The following ETV6 variants were observed in gnomAD, a reference collection of about 807,000 sequenced individuals.
ETV6 encodes ETS variant transcription factor 6.
A neutral mutation model predicts 51.1 loss-of-function variants in ETV6; 16 were observed. The ratio of observed to expected loss-of-function variants is 0.31; its 90% confidence interval spans 0.21 to 0.48. The LOEUF (loss-of-function observed/expected upper bound fraction) is 0.48, where lower values mean the gene tolerates loss of function less well. Among genes scored for constraint, ETV6 ranks in the 20% least tolerant of loss-of-function variants. ETV6 has a pLI of 0.99. For synonymous variants in ETV6, 240 were observed against 224.1 expected (o/e 1.07, Z -0.64); for missense variants, 458 against 594.8 (o/e 0.77, Z 2.39).
intron 1 of ETV6, among the ~76,000 whole-genome samples, chr12:11,707,860 T>C (rs1386179169): frequency 6.6e-6 from 1 of 152,218 alleles, no homozygotes; most frequent in Non-Finnish European, 1.5e-5. Flanking sequence ...ATTTACCTGT[T>C]AACTGAGAAA....
chr12:11,700,945 G>C (rs368402764), intron 1 of ETV6, among the ~76,000 whole-genome samples: 2 of 152,118 alleles, frequency 1.3e-5, no homozygotes, highest in African/African-American at 4.8e-5. Flanking sequence ...TGGAAGACAG[G>C]GCTTCCAGGC....
chr12:11,706,363 C>G (rs563742000), intron 1 of ETV6, among the ~76,000 whole-genome samples: 18 of 152,314 alleles, frequency 1.2e-4, no homozygotes, highest in Middle Eastern at 6.8e-3. Flanking sequence ...AGAGCAGGGA[C>G]TAGACTCCAT....
At chr12:11,712,945 C>G (rs576273870) in intron 1 of ETV6, among the ~76,000 whole-genome samples, 1 of 152,184 alleles carries the variant, frequency 6.6e-6, no homozygotes, top group Non-Finnish European at 1.5e-5. Flanking sequence ...GTTTCTGCCT[C>G]GTTTACTTTC....
intron 1 of ETV6, among the ~76,000 whole-genome samples, chr12:11,731,554 C>T (rs2856341): frequency 0.9 from 135,595 of 151,304 alleles, 62,148 homozygotes; most frequent in Non-Finnish European, 0.99. Flanking sequence ...AATTTTTTTT[C>T]TTCTGTCTTA....
chr12:11,863,670 C>T (rs1946748475), intron 4 of ETV6, among the ~76,000 whole-genome samples: 29 of 152,214 alleles, frequency 1.9e-4, no homozygotes, highest in Admixed American at 1.9e-3. Flanking sequence ...CAGAAGACTC[C>T]TACATCTGGG....
chr12:11,728,303 C>T (rs1440369169), intron 1 of ETV6, among the ~76,000 whole-genome samples: 2 of 152,180 alleles, frequency 1.3e-5, no homozygotes. Context: ...TACCAGGGGT[C>T]CCCAACCCCC....
chr12:11,780,404 A>G (rs1383329533), intron 2 of ETV6, among the ~76,000 whole-genome samples: 5 of 152,216 alleles, frequency 3.3e-5, no homozygotes, highest in African/African-American at 1.2e-4. Context: ...CTTTAGAAGT[A>G]TACCAGTTCT....
rs1565503452 is a variant in ETV6, at chr12:11,733,427, A to AT, written c.34-19023_34-19022insT. On this transcript the variant is annotated intron_variant, in intron 1 of 7. Transcript: ENST00000396373. ...CATCTCAAAAAAAAAAAAAAAAAAA[A>AT]AAAAATTAACCACTTCATTCTTCTT... 6.5e-5 allele frequency among the ~76,000 whole-genome samples: 9 copies of AT among 138,502 alleles called. No individual in the cohort carries two copies. The East Asian group carries it at 1.8e-3, about 27-fold the overall frequency. 90.9% of individuals were successfully genotyped at this position (138,502 alleles called of 152,430 possible).
chr12:11,650,050 T>G lies in ETV6; in HGVS notation c.-78T>G. ...TTAAATGACCGCGTCTGGCTGGCCG[T>G]GGAGCCTTTCTGGGTTGGGGAGAGG... On this transcript the variant is annotated 5_prime_UTR_variant, in exon 1 of 8. Coordinates refer to ENST00000396373, the MANE Select transcript of ETV6 (RefSeq NM_001987.5). 7 of 1,324,682 alleles carry G rather than the reference T, an allele frequency of 5.3e-6. No homozygotes were observed. Among genetic ancestry groups the G allele is most frequent in the Non-Finnish European group, 7.6e-6 (7 of 917,790 alleles). The allele number at this position is 1,324,682 out of a possible 1,614,324, so 82.1% of individuals were successfully genotyped here. A position where few individuals can be genotyped will look rare whatever the true frequency, so the allele number is the denominator to read the frequency against.
chr12:11,824,458 A>C (rs776783684), intron 2 of ETV6, among the ~76,000 whole-genome samples: 2 of 152,200 alleles, frequency 1.3e-5, no homozygotes, highest in Non-Finnish European at 2.9e-5. Flanking sequence ...GCTGTGGAGA[A>C]GCTGCTGGGA....
chr12:11,680,842 A>T (rs1591604654), intron 1 of ETV6, among the ~76,000 whole-genome samples: 1 of 152,130 alleles, frequency 6.6e-6, no homozygotes, highest in East Asian at 1.9e-4. Context: ...ATTCCTTCAG[A>T]TGAATCTCAG....
In ETV6 at chr12:11,848,149, T is replaced by C. The variant is rs374315957; in HGVS notation, c.329-5278T>C. Among the ~76,000 whole-genome samples the C allele has an allele frequency of 6.6e-5, 10 of 152,360 alleles. No homozygotes were observed. In the East Asian group the frequency reaches 1.2e-3, roughly 18 times the overall value. ...GACACCATCCATTGAGCGTTTATGA[T>C]GGCAGACGTGGGGCTGGTGCTCTGC... On this transcript the variant is annotated intron_variant, in intron 3 of 7. Coordinates refer to ENST00000396373, the MANE Select transcript of ETV6 (RefSeq NM_001987.5).
chr12:11,848,314 CAAAG>C (rs771516765), intron 3 of ETV6, among the ~76,000 whole-genome samples: 4 of 152,132 alleles, frequency 2.6e-5, no homozygotes, highest in Non-Finnish European at 5.9e-5. Context: ...ATACAGCTGA[CAAAG>C]AGAGGAACAA....
At chr12:11,686,528 T>C (rs893962768) in intron 1 of ETV6, among the ~76,000 whole-genome samples, 2 of 152,226 alleles carry the variant, frequency 1.3e-5, no homozygotes, top group South Asian at 2.1e-4. Context: ...CAACTTACAC[T>C]GTCATGACTT....
chr12:11,692,011 A>T (rs964293843), intron 1 of ETV6, among the ~76,000 whole-genome samples: 12 of 152,200 alleles, frequency 7.9e-5, no homozygotes, highest in African/African-American at 2.9e-4. Context: ...AGACACTTCT[A>T]TGGTTTGAGT....
chr12:11,825,442 A>G (rs1399460616), intron 2 of ETV6, among the ~76,000 whole-genome samples: 1 of 152,244 alleles, frequency 6.6e-6, no homozygotes, highest in African/African-American at 2.4e-5. Flanking sequence ...CTCTGGGGAA[A>G]AAACCACAAA....
intron 1 of ETV6, among the ~76,000 whole-genome samples, chr12:11,681,929 G>A (rs539082932): frequency 2.0e-5 from 3 of 152,204 alleles, no homozygotes; most frequent in Admixed American, 6.5e-5. Context: ...ATAGTATTCC[G>A]TGGTATATAT....
chr12:11,861,990 A>G (rs1322612072), intron 4 of ETV6, among the ~76,000 whole-genome samples: 1 of 152,200 alleles, frequency 6.6e-6, no homozygotes, highest in Non-Finnish European at 1.5e-5. Flanking sequence ...CCCGACTGTG[A>G]GGACTGTGAG....
chr12:11,727,891 C>T (rs1258470140), intron 1 of ETV6, among the ~76,000 whole-genome samples: 2 of 152,152 alleles, frequency 1.3e-5, no homozygotes, highest in East Asian at 3.8e-4. Flanking sequence ...GCGATCTCAG[C>T]TCACTCCACC....
Sources: allele counts gnomAD v4.1 joint callset (sites outside exome capture counted in the v4.1 genomes callset), GRCh38; gene constraint gnomAD v4.1.1; transcripts MANE v1.5; gene names NCBI Gene and HGNC (gene_info 2026-07-23, HGNC 2026-07-21).